Variants in CSMD1 observed in about 807,000 individuals in gnomAD.
The protein encoded by CSMD1 is CUB and Sushi multiple domains 1.
In CSMD1, 213 loss-of-function variants were observed where a neutral mutation model predicts 417.5. The observed-to-expected ratio is 0.51, with a 90% confidence interval of 0.46 to 0.57. The LOEUF (loss-of-function observed/expected upper bound fraction) is 0.57. Ranked by LOEUF, CSMD1 falls within the 20% of genes least tolerant of loss-of-function variation. CSMD1 has a pLI of 0.00. For missense variants in CSMD1, 6,923 were observed against 4,529.7 expected, an observed-to-expected ratio of 1.53 and a Z score of -15.17; for synonymous variants, 2,862 against 1,736.8, an observed-to-expected ratio of 1.65 and a Z score of -16.11.
chr8:3,680,960 C>T (rs956859767), intron 7 of CSMD1, among the ~76,000 whole-genome samples: 7 of 152,178 alleles, frequency 4.6e-5, no homozygotes, highest in African/African-American at 1.4e-4. Flanking sequence ...TCAACAGATG[C>T]AGAAAAAGCC....
At chr8:4,705,731 C>G (rs1342393013) in intron 1 of CSMD1, among the ~76,000 whole-genome samples, 1 of 152,116 alleles carries the variant, frequency 6.6e-6, no homozygotes, top group East Asian at 1.9e-4. Context: ...TTGGACATTA[C>G]AAATATAATC....
intron 49 of CSMD1, among the ~76,000 whole-genome samples, chr8:3,066,661 A>G (rs62488313): frequency 8.5e-5 from 13 of 152,180 alleles, no homozygotes; most frequent in East Asian, 1.9e-4. Context: ...ACAGGACACA[A>G]TCGTATTTGT....
Position 4,267,886 on chromosome 8 carries a change from T to A in CSMD1, c.415+152067A>T, listed in dbSNP as rs548577091. On this transcript the variant is annotated intron_variant, in intron 3 of 69. Transcript: ENST00000635120. The stretch of plus-strand genomic sequence containing the variant: ...CATATACTTGTGATTAAATTTTTTT[T>A]AAACACTGTAATGACTGAAATAAAA... Among the ~76,000 whole-genome samples, 29 of 152,226 alleles carry A rather than the reference T, an allele frequency of 1.9e-4. 1 individual carries two copies. Among genetic ancestry groups the A allele is most frequent in the East Asian group, 5.8e-4 (3 of 5,186 alleles).
chr8:4,270,395 C>G (rs1261743127), intron 3 of CSMD1, among the ~76,000 whole-genome samples: 1 of 152,156 alleles, frequency 6.6e-6, no homozygotes, highest in Admixed American at 6.5e-5. Flanking sequence ...CATGATCTCC[C>G]TCGGCCACAC....
At chr8:3,196,805 G>C (rs1307568617) in intron 33 of CSMD1, among the ~76,000 whole-genome samples, 3 of 152,140 alleles carry the variant, frequency 2.0e-5, no homozygotes, top group African/African-American at 7.2e-5. Flanking sequence ...AGTGAGTTGT[G>C]AGAGTTTCAT....
At chr8:2,980,413 CCT>C (rs1403624839) in intron 54 of CSMD1, among the ~76,000 whole-genome samples, 4 of 151,776 alleles carry the variant, frequency 2.6e-5, no homozygotes, top group Non-Finnish European at 4.4e-5. Context: ...ACCTCCTTGT[CCT>C]CTCCTCCTCC....
At chr8:3,747,172 T>C (rs1797102670) in intron 6 of CSMD1, among the ~76,000 whole-genome samples, 1 of 152,216 alleles carries the variant, frequency 6.6e-6, no homozygotes, top group Non-Finnish European at 1.5e-5. Flanking sequence ...ATCCTGGTTC[T>C]GCCATTTGCA....
intron 8 of CSMD1, among the ~76,000 whole-genome samples, chr8:3,600,680 A>G (rs2117077256): frequency 6.6e-6 from 1 of 152,302 alleles, no homozygotes; most frequent in East Asian, 1.9e-4. Flanking sequence ...GCTCTGGTCT[A>G]AAGCGAAAGT....
At chr8:3,992,508 G>C (rs891819572) in intron 5 of CSMD1, among the ~76,000 whole-genome samples, 1 of 152,210 alleles carries the variant, frequency 6.6e-6, no homozygotes, top group Non-Finnish European at 1.5e-5. Flanking sequence ...TATGGGACTG[G>C]CTGTTGTGGC....
At chr8:4,773,754 TA>T (rs1563349138) in intron 1 of CSMD1, among the ~76,000 whole-genome samples, 4 of 152,204 alleles carry the variant, frequency 2.6e-5, no homozygotes, top group Admixed American at 6.5e-5. Context: ...AATACTGATA[TA>T]ATCATATTAA....
intron 1 of CSMD1, among the ~76,000 whole-genome samples, chr8:4,964,140 C>G (rs1465536412): frequency 6.6e-6 from 1 of 151,854 alleles, no homozygotes; most frequent in Non-Finnish European, 1.5e-5. Context: ...TCTTCACATT[C>G]TTTCCAAAGA....
intron 5 of CSMD1, among the ~76,000 whole-genome samples, chr8:3,787,410 G>C (rs369342782): frequency 6.6e-6 from 1 of 151,860 alleles, no homozygotes; most frequent in East Asian, 1.9e-4. Flanking sequence ...CTGTTTTGTG[G>C]GAAATTCATG....
chr8:3,495,107 T>G (rs1230006890), intron 10 of CSMD1, among the ~76,000 whole-genome samples: 1 of 152,214 alleles, frequency 6.6e-6, no homozygotes, highest in Non-Finnish European at 1.5e-5. Flanking sequence ...AATACATTAT[T>G]TTAGCAATCT....
intron 1 of CSMD1, among the ~76,000 whole-genome samples, chr8:4,895,683 A>G (rs1195756940): frequency 6.8e-6 from 1 of 147,610 alleles, no homozygotes; most frequent in African/African-American, 2.5e-5. Context: ...ATCCACCTTC[A>G]CCTTCCCTGA....
chr8:4,314,191 C>T (rs576174389), intron 3 of CSMD1, among the ~76,000 whole-genome samples: 1 of 152,106 alleles, frequency 6.6e-6, no homozygotes, highest in South Asian at 2.1e-4. Flanking sequence ...TTGGTTCCCT[C>T]ATTATTTTCA....
At chr8:4,451,654 C>A (rs971377682) in intron 2 of CSMD1, among the ~76,000 whole-genome samples, 1 of 152,174 alleles carries the variant, frequency 6.6e-6, no homozygotes, top group East Asian at 1.9e-4. Context: ...AGGATACATT[C>A]CTTAGTCAAT....
chr8:4,197,054 C>T (rs1234409559), intron 3 of CSMD1, among the ~76,000 whole-genome samples: 2 of 152,040 alleles, frequency 1.3e-5, no homozygotes, highest in Admixed American at 6.5e-5. Context: ...AACAATTATT[C>T]ACTGAGAGCT....
chr8:3,128,465 A>G (rs1204627416), intron 41 of CSMD1: 3 of 214,794 alleles, frequency 1.4e-5, no homozygotes, highest in African/African-American at 7.0e-5. Context: ...TGTACAGCAC[A>G]GACATCATTG....
At chr8:2,959,630 TC>T (rs1803288607) in intron 62 of CSMD1, among the ~76,000 whole-genome samples, 1 of 152,114 alleles carries the variant, frequency 6.6e-6, no homozygotes, top group African/African-American at 2.4e-5. Flanking sequence ...GCTACGGGTT[TC>T]GGGGACACGC....
Sources: allele counts gnomAD v4.1 joint callset (sites outside exome capture counted in the v4.1 genomes callset), GRCh38; gene constraint gnomAD v4.1.1; transcripts MANE v1.5; gene names NCBI Gene and HGNC (gene_info 2026-07-23, HGNC 2026-07-21).